The following PTPRD variants were observed in gnomAD, a reference collection of about 807,000 sequenced individuals.
PTPRD encodes protein tyrosine phosphatase receptor type D.
In PTPRD, 34 loss-of-function variants were observed where a neutral mutation model predicts 214.5. That is an observed-to-expected ratio of 0.16 (90% CI 0.12 to 0.21). The LOEUF (loss-of-function observed/expected upper bound fraction) is 0.21, where lower values mean the gene tolerates loss of function less well. Among genes scored for constraint, PTPRD ranks in the 10% least tolerant of loss-of-function variants. The pLI is 1.00. For synonymous variants in PTPRD, 1,128 were observed against 845.7 expected, an observed-to-expected ratio of 1.33 and a Z score of -5.79; for missense variants, 2,545 against 2,398.7, an observed-to-expected ratio of 1.06 and a Z score of -1.27.
intron 10 of PTPRD, among the ~76,000 whole-genome samples, chr9:9,076,566 C>A (rs1463178236): frequency 6.6e-6 from 1 of 152,014 alleles, no homozygotes; most frequent in Non-Finnish European, 1.5e-5. Flanking sequence ...TCTTTCTGTG[C>A]CTGCATTATT....
chr9:9,664,582 C>A (rs1163407495), intron 7 of PTPRD, among the ~76,000 whole-genome samples: 1 of 151,680 alleles, frequency 6.6e-6, no homozygotes, highest in Non-Finnish European at 1.5e-5. Context: ...ATCCACAAAG[C>A]TCTTTTGTTA....
At chr9:8,836,962 C>G (rs546878861) in intron 11 of PTPRD, among the ~76,000 whole-genome samples, 2 of 151,578 alleles carry the variant, frequency 1.3e-5, no homozygotes, top group African/African-American at 4.9e-5. Context: ...CCATTAATAA[C>G]CCACCCATCC....
intron 19 of PTPRD, 87 bp from the exon 20 acceptor site, chr9:8,521,633 G>A (rs1286298749): frequency 6.3e-6 from 9 of 1,421,208 alleles, no homozygotes; most frequent in African/African-American, 1.4e-5. Context: ...GTACAGACAC[G>A]ATTCAACAAT....
At chr9:10,073,238 T>C (rs553261661) in intron 3 of PTPRD, among the ~76,000 whole-genome samples, 2 of 152,184 alleles carry the variant, frequency 1.3e-5, no homozygotes, top group South Asian at 4.1e-4. Context: ...CAGGATGGAA[T>C]GCAGGCTGTA....
At chr9:9,330,823 G>C (rs1189640991) in intron 9 of PTPRD, among the ~76,000 whole-genome samples, 1 of 151,108 alleles carries the variant, frequency 6.6e-6, no homozygotes, top group Non-Finnish European at 1.5e-5. Flanking sequence ...TTTTTTTCTA[G>C]GAAGAAAGAG....
chr9:8,323,478 T>C (rs528997662), intron 44 of PTPRD, among the ~76,000 whole-genome samples: 1 of 152,328 alleles, frequency 6.6e-6, no homozygotes, highest in East Asian at 1.9e-4. Flanking sequence ...TTAAAAACAT[T>C]TGTGATTCAC....
chr9:10,543,479 T>TACACACAC (rs567757732), intron 2 of PTPRD, among the ~76,000 whole-genome samples: 1,715 of 145,154 alleles, frequency 0.012, 32 homozygotes, highest in African/African-American at 0.038. Flanking sequence ...TATATATATA[T>TACACACAC]ACACACACAC....
chr9:8,565,080 C>G (rs190440229), intron 14 of PTPRD, among the ~76,000 whole-genome samples: 37 of 152,190 alleles, frequency 2.4e-4, no homozygotes, highest in African/African-American at 6.5e-4. Context: ...AGTAAAAACT[C>G]AATGACGGGG....
At chr9:10,483,485 G>C (rs1193447136) in intron 2 of PTPRD, among the ~76,000 whole-genome samples, 3 of 151,694 alleles carry the variant, frequency 2.0e-5, no homozygotes, top group Non-Finnish European at 2.9e-5. Context: ...TCAGGGTAAA[G>C]AGAGAATCTA....
intron 7 of PTPRD, among the ~76,000 whole-genome samples, chr9:9,729,122 T>C (rs1046098714): frequency 3.9e-5 from 6 of 152,108 alleles, no homozygotes; most frequent in Admixed American, 6.6e-5. Context: ...TTTGAGTAGT[T>C]TGGGCGGGCT....
chr9:8,779,338 C>A (rs1231024845), intron 11 of PTPRD, among the ~76,000 whole-genome samples: 1 of 152,098 alleles, frequency 6.6e-6, no homozygotes, highest in Non-Finnish European at 1.5e-5. Flanking sequence ...TACCCAGCCC[C>A]TCCTTTAGAG....
At chr9:10,293,835 G>A (rs943734004) in intron 3 of PTPRD, among the ~76,000 whole-genome samples, 2 of 152,058 alleles carry the variant, frequency 1.3e-5, no homozygotes, top group African/African-American at 4.8e-5. Context: ...GTGAGACATG[G>A]AGTTAGATAG....
intron 2 of PTPRD, among the ~76,000 whole-genome samples, chr9:10,462,843 T>C (rs935978591): frequency 8.6e-5 from 13 of 151,718 alleles, no homozygotes; most frequent in African/African-American, 2.4e-4. Context: ...TGTATAAAAA[T>C]TAATATACAA....
chr9:9,579,889 A>G (rs115267145), intron 7 of PTPRD, among the ~76,000 whole-genome samples: 366 of 152,172 alleles, frequency 2.4e-3, no homozygotes, highest in African/African-American at 8.3e-3. Context: ...TTGTCAATCA[A>G]CCCAAGCTCT....
intron 9 of PTPRD, among the ~76,000 whole-genome samples, chr9:9,328,592 C>A (rs2040983891): frequency 8.9e-6 from 1 of 112,262 alleles, no homozygotes; most frequent in Admixed American, 8.6e-5. Context: ...TCTTTTTGAT[C>A]ACATTTTCTT....
chr9:8,364,173 T>C (rs2079189641), intron 39 of PTPRD, among the ~76,000 whole-genome samples: 3 of 152,192 alleles, frequency 2.0e-5, no homozygotes, highest in Admixed American at 1.3e-4. Context: ...GTGCAAGAAA[T>C]AGCACAAATC....
intron 26 of PTPRD, among the ~76,000 whole-genome samples, chr9:8,493,948 G>A (rs1315612282): frequency 6.6e-6 from 1 of 151,262 alleles, no homozygotes; most frequent in Non-Finnish European, 1.5e-5. Flanking sequence ...AGAGCTGCAT[G>A]TACACATGCG....
intron 9 of PTPRD, among the ~76,000 whole-genome samples, chr9:9,230,215 G>A (rs2099962229): frequency 6.6e-6 from 1 of 152,052 alleles, no homozygotes; most frequent in African/African-American, 2.4e-5. Flanking sequence ...TCAGAATGGG[G>A]CGGTTCGACA....
chr9:9,980,173 G>A (rs920897596), intron 4 of PTPRD, among the ~76,000 whole-genome samples: 1 of 151,896 alleles, frequency 6.6e-6, no homozygotes, highest in Admixed American at 6.6e-5. Flanking sequence ...GAAAATACTA[G>A]CTATTTTGAT....
Sources: allele counts gnomAD v4.1 joint callset (sites outside exome capture counted in the v4.1 genomes callset), GRCh38; gene constraint gnomAD v4.1.1; transcripts MANE v1.5; gene names NCBI Gene and HGNC (gene_info 2026-07-23, HGNC 2026-07-21).